The following KCNK9 variants were observed in gnomAD, a reference collection of about 807,000 sequenced individuals.
KCNK9 encodes potassium channel subfamily K member 9.
Under a neutral mutation model 10.8 loss-of-function variants are expected in KCNK9, and 1 was observed. That is an observed-to-expected ratio of 0.09 (90% CI 0.03 to 0.44). The LOEUF is 0.44. KCNK9 is among the 20% of genes least tolerant of loss of function. KCNK9 has a pLI of 0.97. For missense variants in KCNK9, 303 were observed against 515.0 expected (o/e 0.59, Z 3.98); for synonymous variants, 231 against 222.7 (o/e 1.04, Z -0.33).
chr8:139,668,266 A>T (rs1007920840), intron 1 of KCNK9, among the ~76,000 whole-genome samples: 1 of 152,158 alleles, frequency 6.6e-6, no homozygotes. Flanking sequence ...TGATCTGTAC[A>T]ACAAACCCCC....
At chr8:139,684,215 C>A (rs1371216347) in intron 1 of KCNK9, among the ~76,000 whole-genome samples, 2 of 152,212 alleles carry the variant, frequency 1.3e-5, no homozygotes, top group Non-Finnish European at 2.9e-5. Context: ...GTGTTCCTCA[C>A]ACTAACACAA....
chr8:139,629,471 A>G (rs781214726), intron 1 of KCNK9, among the ~76,000 whole-genome samples: 3 of 152,254 alleles, frequency 2.0e-5, no homozygotes, highest in Admixed American at 6.5e-5. Flanking sequence ...CAGTGGATAG[A>G]CGCCTAAACA....
chr8:139,654,747 G>A (rs377077045), intron 1 of KCNK9, among the ~76,000 whole-genome samples: 29 of 152,220 alleles, frequency 1.9e-4, no homozygotes, highest in African/African-American at 7.0e-4. Flanking sequence ...CATAGCCTCT[G>A]GGTGGGGGAA....
intron 1 of KCNK9, among the ~76,000 whole-genome samples, chr8:139,646,175 C>T (rs182859097): frequency 3.6e-4 from 55 of 152,338 alleles, no homozygotes; most frequent in Non-Finnish European, 6.6e-4. Context: ...GAAGCCCTGC[C>T]TGTGAGCAGG....
intron 1 of KCNK9, among the ~76,000 whole-genome samples, chr8:139,690,159 T>C (rs1816907898): frequency 6.6e-6 from 1 of 151,718 alleles, no homozygotes; most frequent in African/African-American, 2.4e-5. Flanking sequence ...TGTAACAACA[T>C]AGTTAGCACA....
chr8:139,659,364 CTT>C (rs1816095766), intron 1 of KCNK9, among the ~76,000 whole-genome samples: 1 of 152,230 alleles, frequency 6.6e-6, no homozygotes, highest in African/African-American at 2.4e-5. Flanking sequence ...AGTTTCCCCT[CTT>C]GTCTTTGTCC....
At chr8:139,612,040 G>C (rs1814442117), downstream of KCNK9, 1 of 152,188 alleles carries the variant, frequency 6.6e-6, no homozygotes, top group Admixed American at 6.5e-5. Context: ...AAGGACTAGG[G>C]GAGCCCAGAA....
intron 1 of KCNK9, among the ~76,000 whole-genome samples, chr8:139,700,422 G>T (rs1342346064): frequency 6.6e-6 from 1 of 151,810 alleles, no homozygotes; most frequent in African/African-American, 2.4e-5. Flanking sequence ...GTTCCAAGTT[G>T]AACATCTTTC....
At chr8:139,622,806 T>A (rs543535006) in intron 1 of KCNK9, among the ~76,000 whole-genome samples, 1 of 152,348 alleles carries the variant, frequency 6.6e-6, no homozygotes, top group South Asian at 2.1e-4. Flanking sequence ...TAAGTCCACA[T>A]GTCAGATGTT....
In KCNK9 at chr8:139,680,654, C is replaced by T. The variant is rs529048937; in HGVS notation, c.283+22056G>A. ...CGTTGGGCACTTCCCCTGCGTGCTC[C>T]TAATCCCTGATGCACACTCAGCCCT... On this transcript the variant is annotated intron_variant, in intron 1 of 1. Coordinates refer to ENST00000520439, the MANE Select transcript of KCNK9 (RefSeq NM_001282534.2). Among the ~76,000 whole-genome samples the T allele has an allele frequency of 2.0e-3, 306 of 152,286 alleles. 1 individual carries two copies. The highest frequency in any genetic ancestry group is 3.7e-3 in the Non-Finnish European group (249 of 68,008).
At chr8:139,699,611 T>C (rs1342163087) in intron 1 of KCNK9, among the ~76,000 whole-genome samples, 1 of 152,128 alleles carries the variant, frequency 6.6e-6, no homozygotes, top group East Asian at 1.9e-4. Context: ...GCCTGATAAA[T>C]GATGTAACTG....
chr8:139,672,058 T>A (rs1418988121), intron 1 of KCNK9, among the ~76,000 whole-genome samples: 1 of 152,112 alleles, frequency 6.6e-6, no homozygotes, highest in East Asian at 1.9e-4. Flanking sequence ...GGGGGTGAGA[T>A]CCTTCCTCAG....
At chr8:139,639,186 T>G (rs1815423577) in intron 1 of KCNK9, among the ~76,000 whole-genome samples, 1 of 152,178 alleles carries the variant, frequency 6.6e-6, no homozygotes, top group Middle Eastern at 3.4e-3. Context: ...ACCTTCCTCA[T>G]CCATAAAGCA....
chr8:139,609,844 C>T (rs1174978633), downstream of KCNK9, among the ~76,000 whole-genome samples: 2 of 152,270 alleles, frequency 1.3e-5, no homozygotes, highest in East Asian at 3.9e-4. Context: ...GTCCTCCCCA[C>T]ACTGGCGTCC....
At chr8:139,632,421 C>T (rs191097224) in intron 1 of KCNK9, among the ~76,000 whole-genome samples, 1 of 152,324 alleles carries the variant, frequency 6.6e-6, no homozygotes, top group Non-Finnish European at 1.5e-5. Context: ...TGGAAGGATG[C>T]TCATTTTCTC....
At chr8:139,633,950 C>T (rs188299308) in intron 1 of KCNK9, among the ~76,000 whole-genome samples, 51 of 152,366 alleles carry the variant, frequency 3.3e-4, no homozygotes, top group African/African-American at 1.2e-3. Flanking sequence ...CTATTCGCAT[C>T]GAGCCTGTCC....
intron 1 of KCNK9, among the ~76,000 whole-genome samples, chr8:139,629,740 T>TGTGTCCCCAGATGGTGCAGAGAGAGACA (rs1264946906): frequency 1.4e-4 from 21 of 152,178 alleles, no homozygotes; most frequent in Non-Finnish European, 2.2e-4. Context: ...ACCTTCCTGC[T>TGTGTCCCCAGATGGTGCAGAGAGAGACA]GTGTCCCCAG....
chr8:139,674,249 G>A (rs768925805), intron 1 of KCNK9, among the ~76,000 whole-genome samples: 2 of 152,168 alleles, frequency 1.3e-5, no homozygotes, highest in African/African-American at 2.4e-5. Context: ...AGAGGAAGGC[G>A]ATGACCTCTC....
chr8:139,663,648 CGTGTGTGTGTGTGTGTGTGTGT>C (rs34660685), intron 1 of KCNK9, among the ~76,000 whole-genome samples: 1 of 137,506 alleles, frequency 7.3e-6, no homozygotes, highest in Admixed American at 7.2e-5. Context: ...CGCGTGCGCA[CGTGTGTGTGTGTGTGTGTGTGT>C]GTGTGTGTGT....
Sources: allele counts gnomAD v4.1 joint callset (sites outside exome capture counted in the v4.1 genomes callset), GRCh38; gene constraint gnomAD v4.1.1; transcripts MANE v1.5; gene names NCBI Gene and HGNC (gene_info 2026-07-23, HGNC 2026-07-21).